Variants in NAV1 observed in about 807,000 individuals in gnomAD.
NAV1 encodes the protein neuron navigator 1, also known as pore membrane and/or filament interacting like protein 3.
NAV1 carries 18 observed loss-of-function variants against 175.2 expected under a neutral mutation model. The ratio of observed to expected loss-of-function variants is 0.10; its 90% CI spans 0.07 to 0.15. The LOEUF (loss-of-function observed/expected upper bound fraction) is 0.15. Among genes scored for constraint, NAV1 ranks in the 10% least tolerant of loss-of-function variants. The pLI, the probability that NAV1 is intolerant of heterozygous loss-of-function variation, is 1.00. For synonymous variants in NAV1, 897 were observed against 978.7 expected, an observed-to-expected ratio of 0.92 and a Z score of 1.56; for missense variants, 1,731 against 2,436.6, an observed-to-expected ratio of 0.71 and a Z score of 6.10.
At position 201,812,097 on chromosome 1, in the gene NAV1, A is replaced by T; in HGVS notation, c.5024+123A>T. 1 of 934,604 alleles carries T rather than the reference A, an allele frequency of 1.1e-6. No individual in the cohort carries two copies. The highest frequency in any genetic ancestry group is 1.7e-6 in the Non-Finnish European group (1 of 583,246). 57.9% of individuals were successfully genotyped at this position (934,604 alleles called of 1,614,324 possible). ...AGTATCCAGAGCTTTTTGGGCTGGA[A>T]ATAGAAAGTAGATGTATTTGTCATG... On this transcript the variant is annotated intron_variant, in intron 26 of 29. Coordinates refer to ENST00000367296, the Ensembl canonical transcript of NAV1. The surrounding 1 kb of genome is among the most constrained non-coding windows in gnomAD (Gnocchi z 4.6).
chr1:201,658,443 A>G (rs1669488711), intron 1 of NAV1, among the ~76,000 whole-genome samples: 1 of 152,018 alleles, frequency 6.6e-6, no homozygotes, highest in African/African-American at 2.4e-5. Context: ...GTTTTGATAG[A>G]AGGGTGAGAT....
intron 10 of NAV1, 95 bp from the exon 15 acceptor site, chr1:201,789,645 G>A: frequency 8.5e-7 from 1 of 1,175,564 alleles, no homozygotes; most frequent in East Asian, 2.3e-5. Flanking sequence ...ATGCCCTCCA[G>A]AATCACAATC....
At chr1:201,638,580 C>A (rs115264886) in intron 2 of NAV1, among the ~76,000 whole-genome samples, 27 of 152,290 alleles carry the variant, frequency 1.8e-4, no homozygotes, top group African/African-American at 6.3e-4. Flanking sequence ...TTCTATATGT[C>A]TTGGAATCAC....
chr1:201,549,008 A>G (rs1665748335), intron 1 of NAV1, among the ~76,000 whole-genome samples: 1 of 152,262 alleles, frequency 6.6e-6, no homozygotes, highest in Non-Finnish European at 1.5e-5. Flanking sequence ...GGTCTTCTGT[A>G]CAATTTGATG....
At chr1:201,542,643 C>T (rs1391633059) in intron 1 of NAV1, among the ~76,000 whole-genome samples, 2 of 152,086 alleles carry the variant, frequency 1.3e-5, no homozygotes, top group African/African-American at 4.8e-5. Context: ...TGGCTGAGAC[C>T]CAGGCCACTC....
chr1:201,543,597 G>A (rs1203217684), intron 1 of NAV1, among the ~76,000 whole-genome samples: 1 of 151,734 alleles, frequency 6.6e-6, no homozygotes, highest in Non-Finnish European at 1.5e-5. Flanking sequence ...AGGATGGGTT[G>A]ATGTATTTAA....
chr1:201,782,737 A>G lies in NAV1; in HGVS notation c.2225A>G (p.Lys742Arg). The change falls in exon 6 of 30, where the codon AAA (lysine) becomes AGA (arginine). Residue 742 changes from lysine (K) to arginine (R), a missense_variant. Physicochemically the swap from Lys to Arg is conservative, Grantham distance 26. This residue lies in a region of NAV1 where 634 missense variants were observed against 766.8 expected (regional missense o/e 0.83). Coordinates refer to ENST00000367296, the Ensembl canonical transcript of NAV1. The surrounding 1 kb of genome is among the most constrained non-coding windows in gnomAD (Gnocchi z 5.4). ...ACAGATCGGGAAAAGGAGAAGGCCA[A>G]AGCCAAGGCAGTGGCCTTGGACTCA... The G allele has an allele frequency of 1.2e-6, 2 of 1,614,120 alleles. No homozygotes were observed. Among genetic ancestry groups the G allele is most frequent in the Non-Finnish European group, 1.7e-6 (2 of 1,180,000 alleles).
intron 8 of NAV1, 148 bp downstream of exon 12, chr1:201,785,499 C>A: frequency 1.2e-6 from 1 of 808,102 alleles, no homozygotes; most frequent in Non-Finnish European, 2.0e-6. Flanking sequence ...CAAGTACCAC[C>A]TAGTACCTTG....
In NAV1 at chr1:201,585,229, A is replaced by T. The variant is rs563095915; in HGVS notation, c.-143-3310A>T. 2.1e-3 allele frequency among the ~76,000 whole-genome samples: 319 copies of T among 152,240 alleles called. 3 individuals are homozygous for T. Among genetic ancestry groups the T allele is most frequent in the African/African-American group, 6.5e-3 (271 of 41,532 alleles). ...CTCATCTTCTGCTGAAGGGTTTTTC[A>T]TGGAGTACTGAAAACCCTTAAAGCA... On this transcript the variant is annotated intron_variant, in intron 1 of 33. Transcript: ENST00000685211.
Position 201,782,333 on chromosome 1 carries a change from C to T in NAV1, c.1821C>T (p.Tyr607=), listed in dbSNP as rs1558157757. The T allele has an allele frequency of 3.1e-6, 5 of 1,614,148 alleles. No homozygotes were observed. Among genetic ancestry groups the T allele is most frequent in the Non-Finnish European group, 4.2e-6 (5 of 1,180,026 alleles). Residue 607 remains tyrosine (Y), a synonymous_variant, in exon 6 of 30, where the codon TAC becomes TAT. Coordinates refer to ENST00000367296, the Ensembl canonical transcript of NAV1. This position sits in a 1 kb window ranked among gnomAD's most constrained non-coding sequence, Gnocchi z 5.4. Reference sequence around the variant, plus strand: ...CCTCCACTTCGGGATCCTTTGGCTACAAGAAGCCTCCTCCTGCCACAGGCA... The same window carrying T: ...CCTCCACTTCGGGATCCTTTGGCTATAAGAAGCCTCCTCCTGCCACAGGCA...
chr1:201,706,277 G>GTGTGTC (rs1553256690), intron 1 of NAV1, among the ~76,000 whole-genome samples: 8 of 151,460 alleles, frequency 5.3e-5, no homozygotes, highest in African/African-American at 2.0e-4. Context: ...GTGTGTGTGT[G>GTGTGTC]TGTCTGTGTG....
chr1:201,766,579 G>A (rs1278953833), intron 3 of NAV1, among the ~76,000 whole-genome samples: 1 of 151,908 alleles, frequency 6.6e-6, no homozygotes, highest in East Asian at 1.9e-4. Flanking sequence ...AATGGTCTCC[G>A]AGGACTATGG....
chr1:201,758,308 T>C (rs1674637270), intron 3 of NAV1, among the ~76,000 whole-genome samples: 7 of 152,234 alleles, frequency 4.6e-5, no homozygotes, highest in Admixed American at 4.6e-4. Flanking sequence ...AGGCATATGA[T>C]GTTGACATTT....
Position 201,816,997 on chromosome 1 carries a change from C to G in NAV1, c.5341-91C>G, listed in dbSNP as rs575994976. The G allele has an allele frequency of 2.4e-5, 29 of 1,199,660 alleles. No homozygotes were observed. The South Asian group carries it at 3.9e-4, about 16-fold the overall frequency. The allele number at this position is 1,199,660 out of a possible 1,614,324, so 74.3% of individuals were successfully genotyped here. Reference sequence around the variant, plus strand: ...CCAGGAAGTGCATATTTTTAAGGAGCCTATTTTTTGTAGGAACTACCAAAA... The same window carrying G: ...CCAGGAAGTGCATATTTTTAAGGAGGCTATTTTTTGTAGGAACTACCAAAA... On this transcript the variant is annotated intron_variant, in intron 28 of 29. Coordinates refer to ENST00000367296, the Ensembl canonical transcript of NAV1.
At chr1:201,677,444 G>A (rs1232012857) in intron 1 of NAV1, among the ~76,000 whole-genome samples, 1 of 151,998 alleles carries the variant, frequency 6.6e-6, no homozygotes, top group East Asian at 1.9e-4. Flanking sequence ...AAGGCCAGCA[G>A]CCTCTGCCCA....
intron 2 of NAV1, among the ~76,000 whole-genome samples, chr1:201,636,479 C>T (rs961619246): frequency 2.1e-4 from 32 of 152,184 alleles, no homozygotes; most frequent in Admixed American, 1.6e-3. Flanking sequence ...CAATATTCAT[C>T]CTTTAAAAGG....
Position 201,782,205 on chromosome 1 carries a change from G to T in NAV1, c.1693G>T (p.Gly565Cys). The change falls in exon 6 of 30, where the codon GGT becomes TGT. Residue 565 changes from glycine to cysteine, a missense_variant. By Grantham distance (159) the Gly-to-Cys change is radical (BLOSUM62 -3). Coordinates refer to ENST00000367296, the Ensembl canonical transcript of NAV1. This position sits in a 1 kb window ranked among gnomAD's most constrained non-coding sequence, Gnocchi z 5.4. ...ACCTGAGGGCAAAGCTACAGACAAG[G>T]GTAAGCTTGCAGTGAAGAATACTGG... The T allele has an allele frequency of 6.2e-7, 1 of 1,607,888 alleles. No homozygotes were observed. Among genetic ancestry groups the T allele is most frequent in the South Asian group, 1.1e-5 (1 of 90,142 alleles).
At chr1:201,783,659 G>A (rs1342902018) in exon 7 of NAV1, 1 of 1,614,196 alleles carries the variant, frequency 6.2e-7, no homozygotes, top group East Asian at 2.2e-5. Flanking sequence ...TGTGCCAAAA[G>A]AGACCCGCAT....
chr1:201,768,850 A>G (rs775382651), intron 3 of NAV1, among the ~76,000 whole-genome samples: 30 of 152,316 alleles, frequency 2.0e-4, no homozygotes, highest in Middle Eastern at 3.4e-3. Context: ...GAGTATTCTT[A>G]AAGTAGCAAG....
Sources: gnomAD v4.1 joint callset for allele counts (sites outside exome capture counted in the v4.1 genomes callset) on GRCh38, gnomAD v4.1.1 for gene constraint, gnomAD v4.1.1 regional missense constraint, Gnocchi (gnomAD v3.1) non-coding constraint, MANE v1.5 for transcripts, NCBI Gene and HGNC (gene_info 2026-07-23, HGNC 2026-07-21) for gene names.